VWC2L: variants seen among roughly 807,000 people sequenced by gnomAD.
VWC2L encodes the protein von Willebrand factor C domain containing 2 like, also known as von Willebrand factor C domain-containing protein 2-like.
A neutral mutation model predicts 21.6 loss-of-function variants in VWC2L; 10 were observed. The observed-to-expected ratio is 0.46, with a 90% CI of 0.29 to 0.78. The LOEUF is 0.78. VWC2L is among the 30% of genes least tolerant of loss of function. The pLI is 0.10. For synonymous variants in VWC2L, 96 were observed against 94.3 expected (o/e 1.02, Z -0.10); for missense variants, 209 against 277.1 (o/e 0.75, Z 1.74).
intron 3 of VWC2L, among the ~76,000 whole-genome samples, chr2:214,516,402 A>C (rs1162225848): frequency 1.3e-5 from 2 of 152,108 alleles, no homozygotes; most frequent in Non-Finnish European, 2.9e-5. Context: ...TCAAGACCAC[A>C]ATGAATCTTG....
intron 3 of VWC2L, among the ~76,000 whole-genome samples, chr2:214,522,984 A>T (rs1225635410): frequency 6.6e-6 from 1 of 152,236 alleles, no homozygotes; most frequent in African/African-American, 2.4e-5. Flanking sequence ...ATATATTCAG[A>T]CACACTGTCC....
intron 3 of VWC2L, among the ~76,000 whole-genome samples, chr2:214,508,549 G>A (rs369940550): frequency 3.0e-4 from 45 of 152,284 alleles, no homozygotes; most frequent in African/African-American, 1.1e-3. Flanking sequence ...CAACCAAGTA[G>A]TTAACTACGA....
At chr2:214,462,043 G>A (rs1287288629) in intron 3 of VWC2L, among the ~76,000 whole-genome samples, 2 of 152,142 alleles carry the variant, frequency 1.3e-5, no homozygotes, top group African/African-American at 4.8e-5. Context: ...TGTAGACACG[G>A]GAAAATGTCA....
chr2:214,413,603 A>G (rs890997900), intron 1 of VWC2L, among the ~76,000 whole-genome samples: 1 of 152,156 alleles, frequency 6.6e-6, no homozygotes, highest in African/African-American at 2.4e-5. Context: ...GAAATCCTTT[A>G]TAGTAGCTCC....
At chr2:214,431,959 A>C (rs1384379839) in intron 2 of VWC2L, among the ~76,000 whole-genome samples, 1 of 152,212 alleles carries the variant, frequency 6.6e-6, no homozygotes. Context: ...TATGAATTTA[A>C]AATTACCTTT....
At chr2:214,463,607 T>G (rs1408188412) in intron 3 of VWC2L, among the ~76,000 whole-genome samples, 4 of 152,184 alleles carry the variant, frequency 2.6e-5, no homozygotes, top group Non-Finnish European at 4.4e-5. Context: ...GTTTAATTTT[T>G]TCTGTTTCTT....
At chr2:214,434,324 C>T (rs1289865820) in intron 2 of VWC2L, among the ~76,000 whole-genome samples, 2 of 152,094 alleles carry the variant, frequency 1.3e-5, no homozygotes, top group African/African-American at 2.4e-5. Context: ...TTGAAGATGT[C>T]GAGGTCTCCA....
intron 3 of VWC2L, among the ~76,000 whole-genome samples, chr2:214,454,946 G>T (rs1343493233): frequency 6.6e-6 from 1 of 151,886 alleles, no homozygotes; most frequent in Non-Finnish European, 1.5e-5. Flanking sequence ...TTGTTCAAAG[G>T]TACTGTCCTT....
At chr2:214,465,388 A>G (rs1187322297) in intron 3 of VWC2L, among the ~76,000 whole-genome samples, 2 of 152,148 alleles carry the variant, frequency 1.3e-5, no homozygotes, top group African/African-American at 4.8e-5. Flanking sequence ...CTTCAAGGGA[A>G]CATGTTCCCT....
intron 3 of VWC2L, among the ~76,000 whole-genome samples, chr2:214,573,135 G>C (rs192468809): frequency 1.1e-3 from 175 of 152,198 alleles, no homozygotes; most frequent in Non-Finnish European, 1.6e-3. Context: ...ATAGAAATTT[G>C]TAAGAATTCT....
At chr2:214,531,275 C>T (rs1559320953) in intron 3 of VWC2L, among the ~76,000 whole-genome samples, 1 of 152,106 alleles carries the variant, frequency 6.6e-6, no homozygotes, top group Non-Finnish European at 1.5e-5. Flanking sequence ...GCATTCTGAT[C>T]GTGTGTGGAC....
At chr2:214,552,755 C>A (rs1331034806) in intron 3 of VWC2L, among the ~76,000 whole-genome samples, 1 of 152,214 alleles carries the variant, frequency 6.6e-6, no homozygotes, top group African/African-American at 2.4e-5. Context: ...AATTCAATCA[C>A]TATATTTCTC....
intron 3 of VWC2L, among the ~76,000 whole-genome samples, chr2:214,528,644 C>T (rs1689381417): frequency 6.6e-6 from 1 of 151,778 alleles, no homozygotes; most frequent in Non-Finnish European, 1.5e-5. Flanking sequence ...AACCATTTGC[C>T]ACGGGTAACC....
At chr2:214,488,180 G>A (rs1559305845) in intron 3 of VWC2L, among the ~76,000 whole-genome samples, 2 of 152,126 alleles carry the variant, frequency 1.3e-5, no homozygotes, top group Non-Finnish European at 2.9e-5. Flanking sequence ...CATGGCCTTT[G>A]TTCATCAATG....
intron 2 of VWC2L, among the ~76,000 whole-genome samples, chr2:214,430,621 G>A (rs1481186688): frequency 6.6e-6 from 1 of 151,870 alleles, no homozygotes; most frequent in Admixed American, 6.6e-5. Flanking sequence ...AAAGCTATGT[G>A]CACTCCATAA....
At chr2:214,450,828 A>G (rs992930363) in intron 3 of VWC2L, among the ~76,000 whole-genome samples, 1 of 152,312 alleles carries the variant, frequency 6.6e-6, no homozygotes, top group Admixed American at 6.5e-5. Flanking sequence ...TGATTAATAT[A>G]ACTACTAAGA....
Position 214,500,346 on chromosome 2 carries a change from G to A in VWC2L, c.520+63588G>A, listed in dbSNP as rs192982712. Among the ~76,000 whole-genome samples the A allele has an allele frequency of 3.7e-3, 563 of 152,258 alleles. 1 individual carries two copies. Among genetic ancestry groups the A allele is most frequent in the Non-Finnish European group, 5.8e-3 (397 of 68,026 alleles). On this transcript the variant is annotated intron_variant, in intron 3 of 3. Coordinates refer to ENST00000312504, the MANE Select transcript of VWC2L (RefSeq NM_001080500.4). ...TTTCCCTCATGTAGATTAAAGTCAGGGAGCAAATATCAGAGGCTGGTACAA... is the reference window on the plus strand; with the variant it reads ...TTTCCCTCATGTAGATTAAAGTCAGAGAGCAAATATCAGAGGCTGGTACAA...
At chr2:214,468,656 T>C (rs555534002) in intron 3 of VWC2L, among the ~76,000 whole-genome samples, 8 of 152,130 alleles carry the variant, frequency 5.3e-5, no homozygotes, top group African/African-American at 1.9e-4. Flanking sequence ...TCAAAGTAAT[T>C]AACTTTATCA....
intron 3 of VWC2L, among the ~76,000 whole-genome samples, chr2:214,563,074 T>A (rs1466826116): frequency 6.6e-6 from 1 of 152,174 alleles, no homozygotes; most frequent in Non-Finnish European, 1.5e-5. Flanking sequence ...TCTTCTAGGA[T>A]TTTTATGGTT....
Sources: allele counts gnomAD v4.1 joint callset (sites outside exome capture counted in the v4.1 genomes callset), GRCh38; gene constraint gnomAD v4.1.1; transcripts MANE v1.5; gene names NCBI Gene and HGNC (gene_info 2026-07-23, HGNC 2026-07-21).